Variants in TTC3 observed in about 807,000 individuals in gnomAD.
The protein encoded by TTC3 is E3 ubiquitin-protein ligase TTC3.
TTC3 carries 180 observed loss-of-function variants against 249.6 expected under a neutral mutation model. The ratio of observed to expected loss-of-function variants is 0.72; its 90% confidence interval spans 0.64 to 0.82. The LOEUF (loss-of-function observed/expected upper bound fraction) is 0.82, where lower values mean the gene tolerates loss of function less well. TTC3 is among the 40% of genes least tolerant of loss of function. The probability of loss-of-function intolerance (pLI) is 0.00; values close to 1 mark genes in which losing one functional copy is unlikely to be tolerated. For missense variants in TTC3, 2,061 were observed against 2,398.4 expected, an observed-to-expected ratio of 0.86 and a Z score of 2.94; for synonymous variants, 717 against 805.0, an observed-to-expected ratio of 0.89 and a Z score of 1.85.
In TTC3 at chr21:37,143,139, A is replaced by G. The variant is rs556197736; in HGVS notation, c.1773-1386A>G. 1.8e-4 allele frequency among the ~76,000 whole-genome samples: 28 copies of G among 152,342 alleles called. No homozygotes were observed. In the South Asian group the frequency reaches 5.4e-3, roughly 29 times the overall value. On this transcript the variant is annotated intron_variant, in intron 20 of 45. Coordinates refer to ENST00000355666, the Ensembl canonical transcript of TTC3. ...TCAATGTTTGACCTAAAACCATAAA[A>G]ACCCTAGAAGAAAACCTAGGCATTA...
Position 37,164,210 on chromosome 21 carries a change from A to G in TTC3, c.3330A>G (p.Leu1110=), listed in dbSNP as rs1196102230. 14 of 1,595,422 alleles carry G rather than the reference A, an allele frequency of 8.8e-6. No individual in the cohort carries two copies. The highest frequency in any genetic ancestry group is 1.8e-5 in the Admixed American group (1 of 56,774). ...ACCCAAAACAAAAATGTTCAACTCT[A>G]TATGAGTAAGTGGGTTGAAATTTTT... Residue 1110 remains leucine (L), a synonymous_variant, in exon 32 of 46, where the codon CTA becomes CTG. Transcript: ENST00000355666.
chr21:37,187,001 T>A (rs2083370776), intron 37 of TTC3, 48 bp from the exon 38 acceptor site: 1 of 1,215,102 alleles, frequency 8.2e-7, no homozygotes, highest in African/African-American at 1.6e-5. Context: ...GTCATCTCAC[T>A]GTGAAATTTT....
chr21:37,087,462 G>T (rs1816154392), intron 2 of TTC3, 61 bp downstream of exon 2: 1 of 1,583,302 alleles, frequency 6.3e-7, no homozygotes, highest in Non-Finnish European at 8.6e-7. Flanking sequence ...TCTGGTTTAG[G>T]GCTATCTGAG....
At chr21:37,149,373 A>G (rs2079255836) in intron 23 of TTC3, among the ~76,000 whole-genome samples, 1 of 115,838 alleles carries the variant, frequency 8.6e-6, no homozygotes, top group Non-Finnish European at 1.9e-5. Flanking sequence ...GTAGAAATAA[A>G]TTCTCACATT....
chr21:37,154,885 C>T (rs552349470), intron 27 of TTC3, among the ~76,000 whole-genome samples: 175 of 152,186 alleles, frequency 1.1e-3, no homozygotes, highest in South Asian at 0.011. Context: ...TTAGTAGAGA[C>T]GGGGTTTCAC....
intron 11 of TTC3, among the ~76,000 whole-genome samples, chr21:37,118,159 G>C (rs545791996): frequency 2.0e-5 from 3 of 151,800 alleles, no homozygotes; most frequent in Admixed American, 2.0e-4. Context: ...CTTATTAAAG[G>C]ATAAACTTCA....
intron 9 of TTC3, among the ~76,000 whole-genome samples, chr21:37,096,042 G>A (rs1423428356): frequency 6.6e-6 from 1 of 152,216 alleles, no homozygotes; most frequent in Non-Finnish European, 1.5e-5. Flanking sequence ...TCTCCACAGG[G>A]AATGAGGGAA....
intron 35 of TTC3, among the ~76,000 whole-genome samples, chr21:37,181,942 TAA>T (rs143495534): frequency 0.044 from 6,695 of 152,218 alleles, 237 homozygotes; most frequent in Admixed American, 0.11. Context: ...AGTAAAAAAT[TAA>T]AAGTTTCCCT....
intron 20 of TTC3, among the ~76,000 whole-genome samples, chr21:37,141,106 G>C (rs2078402873): frequency 6.6e-6 from 1 of 152,152 alleles, no homozygotes; most frequent in South Asian, 2.1e-4. Flanking sequence ...GAATATAAAA[G>C]TCTGTCCTCT....
intron 20 of TTC3, 78 bp downstream of exon 20, chr21:37,140,751 A>G (rs2078368161): frequency 1.9e-6 from 2 of 1,027,712 alleles, no homozygotes. Context: ...TCCATTTTCT[A>G]GAATTATTTT....
At position 37,124,605 on chromosome 21, in the gene TTC3, T is replaced by C; in HGVS notation, c.1110-14T>C. 6.2e-7 allele frequency: 1 copy of C among 1,605,206 alleles called. No homozygotes were observed. Among genetic ancestry groups the C allele is most frequent in the Non-Finnish European group, 8.5e-7 (1 of 1,177,978 alleles). ...TCAAAAAATGTATAATAATTCCTTT[T>C]TTCCCCCACTTAGGGCCTACACACC... On this transcript the variant is annotated splice_polypyrimidine_tract_variant and intron_variant, in intron 13 of 45. Coordinates refer to ENST00000355666, the Ensembl canonical transcript of TTC3.
intron 12 of TTC3, among the ~76,000 whole-genome samples, chr21:37,122,616 G>A (rs573361133): frequency 3.3e-5 from 5 of 151,110 alleles, no homozygotes. Flanking sequence ...TTTCTTCTTC[G>A]GGTTGTACAA....
intron 35 of TTC3, 101 bp downstream of exon 35, chr21:37,172,845 GGC>G: frequency 7.3e-7 from 1 of 1,363,664 alleles, no homozygotes; most frequent in Non-Finnish European, 9.9e-7. Context: ...CTGCATTGGT[GGC>G]TAAACAAAAG....
chr21:37,183,375 G>A (rs749757587), intron 36 of TTC3, among the ~76,000 whole-genome samples: 9 of 151,942 alleles, frequency 5.9e-5, no homozygotes, highest in Non-Finnish European at 8.8e-5. Flanking sequence ...CAGATCCTAG[G>A]AATGATTGTC....
rs766247480 is a variant in TTC3 at position 37,182,742 on chromosome 21, C to T, written c.4618-32C>T. The T allele has an allele frequency of 1.9e-6, 3 of 1,539,132 alleles. No homozygotes were observed. In the East Asian group the frequency reaches 7.0e-5, roughly 36 times the overall value. ...TCTTTTGTTAAAAAGTATATTTTGC[C>T]ATTTATTTAAGTACTTTCTAAATGT... is the stretch of plus-strand genomic sequence containing the variant. On this transcript the variant is annotated intron_variant, in intron 35 of 45. Transcript: ENST00000355666.
At chr21:37,087,221 G>A (rs755805725) in intron 1 of TTC3, 26 bp from the exon 2 acceptor site, 1 of 1,606,026 alleles carries the variant, frequency 6.2e-7, no homozygotes, top group South Asian at 1.1e-5. Flanking sequence ...TTTAATTACT[G>A]ACTTGAGTTT....
At chr21:37,147,647 T>A (rs2079094165) in intron 22 of TTC3, 44 bp downstream of exon 22, 1 of 1,562,918 alleles carries the variant, frequency 6.4e-7, no homozygotes. Context: ...GCAAAATCAT[T>A]TCTTAAAATG....
chr21:37,142,843 CT>C (rs2078614230), intron 20 of TTC3, among the ~76,000 whole-genome samples: 1 of 152,208 alleles, frequency 6.6e-6, no homozygotes, highest in Non-Finnish European at 1.5e-5. Context: ...TGACTTCAAA[CT>C]ATACTACAAG....
chr21:37,080,536 TC>T (rs2071493904), intron 1 of TTC3, among the ~76,000 whole-genome samples: 1 of 152,194 alleles, frequency 6.6e-6, no homozygotes, highest in African/African-American at 2.4e-5. Context: ...TTTTGGTTTA[TC>T]CTATCATTAA....
Sources: allele counts gnomAD v4.1 joint callset (sites outside exome capture counted in the v4.1 genomes callset), GRCh38; gene constraint gnomAD v4.1.1; transcripts MANE v1.5; gene names NCBI Gene and HGNC (gene_info 2026-07-23, HGNC 2026-07-21).